Variants in CSMD3 observed in about 807,000 individuals in gnomAD.
The protein encoded by CSMD3 is CUB and Sushi multiple domains 3, also known as CUB and sushi domain-containing protein 3.
Under a neutral mutation model 435.2 loss-of-function variants are expected in CSMD3, and 177 were observed. That is an observed-to-expected ratio of 0.41 (90% CI 0.36 to 0.46). The LOEUF is 0.46. CSMD3 is among the 20% of genes least tolerant of loss of function. The pLI is 0.34. For missense variants in CSMD3, 4,265 were observed against 4,504.6 expected (o/e 0.95, Z 1.52); for synonymous variants, 1,656 against 1,520.5 (o/e 1.09, Z -2.07).
At chr8:113,001,649 T>C (rs534742238) in intron 6 of CSMD3, among the ~76,000 whole-genome samples, 2 of 152,226 alleles carry the variant, frequency 1.3e-5, no homozygotes, top group East Asian at 3.9e-4. Flanking sequence ...GTCTGTTTAA[T>C]GTGTACTCAC....
intron 10 of CSMD3, among the ~76,000 whole-genome samples, chr8:112,905,197 A>C (rs1299592266): frequency 6.6e-6 from 1 of 151,368 alleles, no homozygotes; most frequent in East Asian, 2.0e-4. Flanking sequence ...TTTTAGTTTC[A>C]ATTACCTCTA....
chr8:112,838,853 T>C (rs531123682), intron 11 of CSMD3, among the ~76,000 whole-genome samples: 3 of 151,748 alleles, frequency 2.0e-5, no homozygotes, highest in Non-Finnish European at 4.4e-5. Context: ...AAAATAAATA[T>C]ACAAAGGTAA....
chr8:112,470,845 T>A (rs1818447879), intron 32 of CSMD3, among the ~76,000 whole-genome samples: 1 of 151,970 alleles, frequency 6.6e-6, no homozygotes, highest in Admixed American at 6.6e-5. Context: ...ATTTGTAAAA[T>A]AAAATTAGTT....
intron 1 of CSMD3, among the ~76,000 whole-genome samples, chr8:113,409,872 A>G: frequency 7.4e-6 from 1 of 134,502 alleles, no homozygotes; most frequent in Non-Finnish European, 1.6e-5. Context: ...CATTAAAGTA[A>G]AACAGCTTTG....
chr8:113,008,817 T>C, intron 6 of CSMD3, among the ~76,000 whole-genome samples: 1 of 151,314 alleles, frequency 6.6e-6, no homozygotes. Context: ...AAGTAAATCA[T>C]AATTGCTAAC....
chr8:113,415,710 C>T (rs533174454), intron 1 of CSMD3, among the ~76,000 whole-genome samples: 9 of 152,060 alleles, frequency 5.9e-5, no homozygotes, highest in African/African-American at 2.2e-4. Context: ...CAGAATGATC[C>T]CTAATTCTCC....
intron 4 of CSMD3, among the ~76,000 whole-genome samples, chr8:113,102,758 G>A (rs556571356): frequency 6.6e-6 from 1 of 152,252 alleles, no homozygotes; most frequent in East Asian, 1.9e-4. Context: ...TAAAAAGGGC[G>A]AGGGGCTATC....
At chr8:112,709,719 A>C (rs1043906556) in intron 13 of CSMD3, among the ~76,000 whole-genome samples, 1 of 152,094 alleles carries the variant, frequency 6.6e-6, no homozygotes, top group Non-Finnish European at 1.5e-5. Context: ...AGGCAAAGTA[A>C]ATATAAACAA....
chr8:113,422,159 G>C (rs1056937302), intron 1 of CSMD3, among the ~76,000 whole-genome samples: 11 of 152,056 alleles, frequency 7.2e-5, no homozygotes, highest in Admixed American at 4.6e-4. Context: ...CAACCATCTG[G>C]CTTTTCTTTG....
intron 10 of CSMD3, among the ~76,000 whole-genome samples, chr8:112,873,625 G>T (rs753563732): frequency 4.0e-5 from 6 of 151,844 alleles, no homozygotes; most frequent in Non-Finnish European, 8.8e-5. Context: ...CTCAACAAAT[G>T]TTTTTAAATT....
intron 11 of CSMD3, among the ~76,000 whole-genome samples, chr8:112,833,668 T>G (rs2079941444): frequency 6.6e-6 from 1 of 151,388 alleles, no homozygotes; most frequent in African/African-American, 2.4e-5. Context: ...TAAGAGGGAA[T>G]GCTTCCAATA....
intron 12 of CSMD3, among the ~76,000 whole-genome samples, chr8:112,827,179 A>AT (rs1281644595): frequency 3.0e-5 from 2 of 67,286 alleles, no homozygotes; most frequent in East Asian, 3.8e-4. Flanking sequence ...ATATATATAT[A>AT]TATATATATA....
intron 27 of CSMD3, among the ~76,000 whole-genome samples, chr8:112,545,801 T>A (rs1262915311): frequency 6.6e-6 from 1 of 152,146 alleles, no homozygotes; most frequent in African/African-American, 2.4e-5. Flanking sequence ...ATCTAATAAA[T>A]ACACTGTGGC....
chr8:113,377,195 C>T (rs1011095001), intron 1 of CSMD3: 37 of 1,153,862 alleles, frequency 3.2e-5, no homozygotes, highest in Non-Finnish European at 3.5e-5. Context: ...CTCCAATGGC[C>T]GGAAGTTCGA....
intron 51 of CSMD3, among the ~76,000 whole-genome samples, chr8:112,305,381 CAACT>C (rs1176103862): frequency 6.6e-6 from 1 of 151,952 alleles, no homozygotes; most frequent in East Asian, 1.9e-4. Context: ...AATGAAATCA[CAACT>C]AAGTGGAAAT....
chr8:113,357,978 G>T (rs1247863882), intron 1 of CSMD3, among the ~76,000 whole-genome samples: 1 of 152,088 alleles, frequency 6.6e-6, no homozygotes, highest in Non-Finnish European at 1.5e-5. Flanking sequence ...CCAGTCTCAG[G>T]TAGTTCTTTA....
chr8:113,167,692 G>A (rs781254790), intron 4 of CSMD3, among the ~76,000 whole-genome samples: 1 of 152,200 alleles, frequency 6.6e-6, no homozygotes, highest in Non-Finnish European at 1.5e-5. Context: ...AGTTTTCCTT[G>A]TGGATTGACA....
chr8:112,852,120 G>A (rs550269058), intron 11 of CSMD3, among the ~76,000 whole-genome samples: 1 of 152,198 alleles, frequency 6.6e-6, no homozygotes, highest in East Asian at 1.9e-4. Context: ...CCTGAAAAAG[G>A]GACTAGTGAT....
At chr8:112,911,641 ATG>A (rs10609412) in intron 10 of CSMD3, among the ~76,000 whole-genome samples, 357 of 147,042 alleles carry the variant, frequency 2.4e-3, no homozygotes, top group Non-Finnish European at 3.2e-3. Context: ...GTACATATAT[ATG>A]TGTGTGTGTG....
Sources: gnomAD v4.1 joint callset for allele counts (sites outside exome capture counted in the v4.1 genomes callset) on GRCh38, gnomAD v4.1.1 for gene constraint, MANE v1.5 for transcripts, NCBI Gene and HGNC (gene_info 2026-07-23, HGNC 2026-07-21) for gene names.